TRAPPC9: variants seen among roughly 807,000 people sequenced by gnomAD.
TRAPPC9 encodes IKK2 binding protein.
Under a neutral mutation model 124.0 loss-of-function variants are expected in TRAPPC9, and 83 were observed. The ratio of observed to expected loss-of-function variants is 0.67; its 90% confidence interval spans 0.56 to 0.80. TRAPPC9 has a LOEUF of 0.80. Among genes scored for constraint, TRAPPC9 ranks in the 30% least tolerant of loss-of-function variants. TRAPPC9 has a pLI of 0.00. For missense variants in TRAPPC9, 1,302 were observed against 1,508.3 expected (o/e 0.86, Z 2.27); for synonymous variants, 638 against 617.5 (o/e 1.03, Z -0.49).
At chr8:139,761,864 C>T (rs376363618) in intron 21 of TRAPPC9, among the ~76,000 whole-genome samples, 1 of 151,644 alleles carries the variant, frequency 6.6e-6, no homozygotes, top group Non-Finnish European at 1.5e-5. Context: ...GCTGCCTGCA[C>T]GTGTGCATCT....
Position 139,762,512 on chromosome 8 carries a change from G to A in TRAPPC9, c.3056-30310C>T, listed in dbSNP as rs1162583241. On this transcript the variant is annotated intron_variant, in intron 21 of 22. Coordinates refer to ENST00000438773, the MANE Select transcript of TRAPPC9 (RefSeq NM_001160372.4). ...CTTCTAGGCTATAAACCTGTACAGC[G>A]TGTGACTGTACTGAACGCTGTAGAC... is the stretch of plus-strand genomic sequence containing the variant. 3.3e-5 allele frequency among the ~76,000 whole-genome samples: 5 copies of A among 152,160 alleles called. No homozygotes were observed. In the South Asian group the frequency reaches 6.2e-4, roughly 19 times the overall value.
At chr8:139,836,886 G>C (rs929470706) in intron 21 of TRAPPC9, among the ~76,000 whole-genome samples, 1 of 152,064 alleles carries the variant, frequency 6.6e-6, no homozygotes, top group Non-Finnish European at 1.5e-5. Context: ...ATCACCTCCA[G>C]GGAGGTCAGA....
chr8:140,008,599 T>C (rs6988665), intron 18 of TRAPPC9: 49,643 of 152,228 alleles, frequency 0.33, 11,695 homozygotes, highest in African/African-American at 0.67. Context: ...CCTGGCTTGA[T>C]GCTGCGCATG....
intron 17 of TRAPPC9, among the ~76,000 whole-genome samples, chr8:140,053,156 G>T (rs1409160810): frequency 1.3e-5 from 2 of 152,182 alleles, no homozygotes; most frequent in African/African-American, 2.4e-5. Flanking sequence ...ATCATCACAG[G>T]ATTCGTGAGA....
Position 140,451,218 on chromosome 8 carries a change from G to T in TRAPPC9, c.156C>A (p.Val52=). The part of the protein sequence containing the change: ...SQISVRDSQR[V]LYIRYRHHYP... ...AGTGGTGCCTGTAGCGGATGTAGAGGACTCGCTGGGAGTCCCGCACGCTGA... is the reference window on the plus strand; with the variant it reads ...AGTGGTGCCTGTAGCGGATGTAGAGTACTCGCTGGGAGTCCCGCACGCTGA... The change falls in exon 2 of 23, where the codon GTC becomes GTA. Residue 52 remains valine, a synonymous_variant. Coordinates refer to ENST00000438773, the MANE Select transcript of TRAPPC9 (RefSeq NM_001160372.4). 2 of 1,614,072 alleles carry T rather than the reference G, an allele frequency of 1.2e-6. No homozygotes were observed. The highest frequency in any genetic ancestry group is 1.7e-6 in the Non-Finnish European group (2 of 1,180,022).
intron 13 of TRAPPC9, among the ~76,000 whole-genome samples, chr8:140,286,277 G>A (rs1192747565): frequency 6.6e-6 from 1 of 152,198 alleles, no homozygotes; most frequent in Non-Finnish European, 1.5e-5. Context: ...GCGGAGGCCA[G>A]CAGGAGCCGG....
intron 17 of TRAPPC9, among the ~76,000 whole-genome samples, chr8:140,161,512 T>C (rs1563808351): frequency 6.6e-6 from 1 of 152,144 alleles, no homozygotes; most frequent in Non-Finnish European, 1.5e-5. Flanking sequence ...ATGTTTCATA[T>C]ATACCTTATC....
intron 19 of TRAPPC9, among the ~76,000 whole-genome samples, chr8:139,912,684 C>T (rs1831829430): frequency 1.3e-5 from 2 of 152,210 alleles, no homozygotes; most frequent in South Asian, 4.1e-4. Context: ...GGCAAAATGC[C>T]ACTTCACTGA....
intron 7 of TRAPPC9, among the ~76,000 whole-genome samples, chr8:140,393,830 A>C (rs2069006405): frequency 6.6e-6 from 1 of 152,212 alleles, no homozygotes; most frequent in African/African-American, 2.4e-5. Flanking sequence ...TGTTCTTATA[A>C]AATCCCACCA....
At chr8:140,169,977 T>C (rs2061933645) in intron 17 of TRAPPC9, among the ~76,000 whole-genome samples, 1 of 152,158 alleles carries the variant, frequency 6.6e-6, no homozygotes. Context: ...GACTCAAGAA[T>C]TCCACCTACC....
chr8:139,785,662 G>T (rs1021796229), intron 21 of TRAPPC9, among the ~76,000 whole-genome samples: 2 of 151,734 alleles, frequency 1.3e-5, no homozygotes, highest in Non-Finnish European at 2.9e-5. Flanking sequence ...CCGTGAGGTG[G>T]AGGTTGCAGT....
intron 21 of TRAPPC9, among the ~76,000 whole-genome samples, chr8:139,842,757 T>C (rs1051712189): frequency 6.6e-6 from 1 of 152,170 alleles, no homozygotes; most frequent in Admixed American, 6.5e-5. Context: ...GGGCTCAGGG[T>C]GCTGGCCATT....
chr8:139,993,131 C>T (rs569343587), intron 18 of TRAPPC9, among the ~76,000 whole-genome samples: 6 of 151,988 alleles, frequency 3.9e-5, no homozygotes, highest in Non-Finnish European at 4.4e-5. Context: ...ATTTTTAATG[C>T]GTTGCAAATA....
At chr8:139,794,161 C>T (rs770153265) in intron 21 of TRAPPC9, among the ~76,000 whole-genome samples, 10 of 152,196 alleles carry the variant, frequency 6.6e-5, no homozygotes, top group South Asian at 2.1e-4. Flanking sequence ...ACGCCTGCCC[C>T]GTGCCACCTG....
At chr8:139,741,115 C>A (rs553376321) in intron 21 of TRAPPC9, among the ~76,000 whole-genome samples, 1 of 152,300 alleles carries the variant, frequency 6.6e-6, no homozygotes, top group South Asian at 2.1e-4. Flanking sequence ...CTCCAGCCTG[C>A]CCCAGCAGGG....
At chr8:140,412,975 A>G (rs1215036511) in intron 5 of TRAPPC9, among the ~76,000 whole-genome samples, 2 of 152,192 alleles carry the variant, frequency 1.3e-5, no homozygotes, top group South Asian at 2.1e-4. Context: ...AGGAAAGGAC[A>G]TAGGCCATGA....
intron 4 of TRAPPC9, among the ~76,000 whole-genome samples, chr8:140,426,954 C>G (rs189827320): frequency 1.2e-3 from 188 of 150,646 alleles, no homozygotes; most frequent in Non-Finnish European, 2.4e-3. Flanking sequence ...GAGACAGAGT[C>G]TTGCTCTGTT....
At position 139,910,157 on chromosome 8, in the gene TRAPPC9, C is replaced by A; in HGVS notation, c.2954G>T (p.Cys985Phe). 1 of 1,614,068 alleles carries A rather than the reference C, an allele frequency of 6.2e-7. No homozygotes were observed. Among genetic ancestry groups the A allele is most frequent in the Non-Finnish European group, 8.5e-7 (1 of 1,180,000 alleles). The part of the protein sequence containing the change: ...GLEIHSKLGI[C>F]WRIPSLKRSG... ...CCTGGAAAAGGATATGATTCTCCAG[C>A]AGATGCCCAGCTTGCTGTGGATCTC... The change falls in exon 20 of 23, where the codon TGC becomes TTC. Residue 985 changes from cysteine to phenylalanine, a missense_variant. Cys to Phe is a radical substitution (Grantham distance 205). This residue lies in a region of TRAPPC9 where 640 missense variants were observed against 679.3 expected (regional missense o/e 0.94). Transcript: ENST00000438773.
chr8:140,383,490 G>C (rs201715802), intron 7 of TRAPPC9, among the ~76,000 whole-genome samples: 2 of 152,170 alleles, frequency 1.3e-5, no homozygotes, highest in Non-Finnish European at 2.9e-5. Context: ...AGCTGAAAAC[G>C]ATGGCACGAG....
Sources: gnomAD v4.1 joint callset for allele counts (sites outside exome capture counted in the v4.1 genomes callset) on GRCh38, gnomAD v4.1.1 for gene constraint, gnomAD v4.1.1 regional missense constraint, MANE v1.5 for transcripts, NCBI Gene and HGNC (gene_info 2026-07-23, HGNC 2026-07-21) for gene names.